IQUB: variants seen among roughly 807,000 people sequenced by gnomAD.
The protein encoded by IQUB is IQ motif and ubiquitin-like domain-containing protein.
A neutral mutation model predicts 86.4 loss-of-function variants in IQUB; 86 were observed. The ratio of observed to expected loss-of-function variants is 1.00; its 90% CI spans 0.84 to 1.19. The LOEUF (loss-of-function observed/expected upper bound fraction) is 1.19. Among genes scored for constraint, IQUB ranks in the 50% most tolerant of loss-of-function variants. IQUB has a pLI of 0.00. For missense variants in IQUB, 946 were observed against 916.9 expected (o/e 1.03, Z -0.41); for synonymous variants, 289 against 304.5 (o/e 0.95, Z 0.53).
chr7:123,490,146 A>T (rs1409607469), intron 7 of IQUB, among the ~76,000 whole-genome samples: 2 of 152,102 alleles, frequency 1.3e-5, no homozygotes, highest in East Asian at 3.9e-4. Flanking sequence ...TATGTTGCCT[A>T]CAAAAAACAC....
In IQUB at chr7:123,534,046, T is replaced by A. The variant is rs188147455; in HGVS notation, c.-5+446A>T. Reference sequence around the variant, plus strand: ...AATAGATCTGTTGAATTTTTAGGTTTGTTAAGAGGCAAAGACCAAGGGTGG... The same window carrying A: ...AATAGATCTGTTGAATTTTTAGGTTAGTTAAGAGGCAAAGACCAAGGGTGG... On this transcript the variant is annotated intron_variant, in intron 1 of 12. Transcript: ENST00000324698. 1.3e-3 allele frequency among the ~76,000 whole-genome samples: 198 copies of A among 152,308 alleles called. 1 individual carries two copies. The highest frequency in any genetic ancestry group is 4.3e-3 in the African/African-American group (179 of 41,564).
intron 7 of IQUB, among the ~76,000 whole-genome samples, chr7:123,491,080 C>G (rs1440452356): frequency 6.6e-6 from 1 of 151,976 alleles, no homozygotes; most frequent in Non-Finnish European, 1.5e-5. Context: ...GAAAAATCCC[C>G]AACTATTTAG....
intron 8 of IQUB, among the ~76,000 whole-genome samples, chr7:123,470,618 G>A (rs1286097673): frequency 2.0e-5 from 3 of 152,240 alleles, no homozygotes; most frequent in Non-Finnish European, 4.4e-5. Context: ...TTGGGAGGCC[G>A]AGGCGGGCAG....
chr7:123,507,667 G>A (rs147871758), intron 3 of IQUB, among the ~76,000 whole-genome samples: 3,763 of 152,198 alleles, frequency 0.025, 67 homozygotes, highest in Middle Eastern at 0.045. Context: ...GAGGTCAGGA[G>A]TTTGAGACCA....
intron 8 of IQUB, among the ~76,000 whole-genome samples, chr7:123,479,372 A>C (rs1182698333): frequency 2.0e-5 from 3 of 152,112 alleles, no homozygotes; most frequent in Non-Finnish European, 2.9e-5. Context: ...GAGCCAAAGC[A>C]AAAATACTAG....
At chr7:123,529,724 TAAAAAAAAAAAAA>T (rs753026777) in intron 1 of IQUB, among the ~76,000 whole-genome samples, 3 of 35,830 alleles carry the variant, frequency 8.4e-5, no homozygotes, top group Non-Finnish European at 1.4e-4. Context: ...TGTCTCTACT[TAAAAAAAAAAAAA>T]AAAAAAAAAA....
At chr7:123,500,977 TCTTA>T (rs1173499348) in intron 6 of IQUB, 6 of 152,226 alleles carry the variant, frequency 3.9e-5, no homozygotes, top group Admixed American at 6.5e-5. Context: ...CCCTACTTTC[TCTTA>T]CTAAGATTGC....
intron 8 of IQUB, among the ~76,000 whole-genome samples, chr7:123,477,544 G>A (rs1036758185): frequency 6.6e-5 from 10 of 152,166 alleles, no homozygotes; most frequent in African/African-American, 2.4e-4. Context: ...AGGACTTCAT[G>A]TCTAAAACAC....
rs1302625037 is a variant in IQUB, at chr7:123,465,474, CT to C, written c.1582-466del. Among the ~76,000 whole-genome samples, 12 of 152,070 alleles carry C rather than the reference CT, an allele frequency of 7.9e-5. No homozygotes were observed. In the South Asian group the frequency reaches 1.9e-3, roughly 24 times the overall value. ...GGACACCAGAAACATTGGCAACTTC[CT>C]GTTTAATATTTGTTAAACTGTACGT... On this transcript the variant is annotated intron_variant, in intron 9 of 12. Transcript: ENST00000324698.
chr7:123,519,859 T>C (rs1323985830), intron 1 of IQUB, among the ~76,000 whole-genome samples: 1 of 152,226 alleles, frequency 6.6e-6, no homozygotes, highest in African/African-American at 2.4e-5. Context: ...AATTTGATTA[T>C]TACAAATTGT....
chr7:123,505,839 A>C (rs1478365211), intron 3 of IQUB, among the ~76,000 whole-genome samples: 2 of 152,200 alleles, frequency 1.3e-5, no homozygotes, highest in African/African-American at 2.4e-5. Context: ...CCCTTGAAAT[A>C]GGGTTTTTCT....
At chr7:123,465,033 G>T in intron 9 of IQUB, 24 bp from the exon 10 acceptor site, 1 of 1,425,802 alleles carries the variant, frequency 7.0e-7, no homozygotes, top group Non-Finnish European at 9.5e-7. Context: ...AAAAATATAT[G>T]GTATAAAATT....
In IQUB at chr7:123,519,420, G is replaced by T. The variant is rs150122761; in HGVS notation, c.-4-7076C>A. Among the ~76,000 whole-genome samples the T allele has an allele frequency of 1.9e-3, 282 of 152,138 alleles. 1 individual carries two copies. The highest frequency in any genetic ancestry group is 6.5e-3 in the African/African-American group (269 of 41,526). On this transcript the variant is annotated intron_variant, in intron 1 of 12. Transcript: ENST00000324698. ...ACCTAAGTGTCTACCACCGAATAAA[G>T]AAAGAAAATGTGGCATGTATACACA...
intron 1 of IQUB, chr7:123,532,569 C>CA (rs1323644770): frequency 3.3e-5 from 5 of 151,822 alleles, no homozygotes; most frequent in East Asian, 3.9e-4. Flanking sequence ...AACTTCAAGA[C>CA]AAAAAAGGCA....
intron 7 of IQUB, among the ~76,000 whole-genome samples, chr7:123,491,054 T>C (rs1795439369): frequency 6.6e-6 from 1 of 151,398 alleles, no homozygotes; most frequent in African/African-American, 2.4e-5. Context: ...TAGAAATCAA[T>C]AACAGAAAGA....
At chr7:123,506,080 A>C (rs540230636) in intron 3 of IQUB, among the ~76,000 whole-genome samples, 11 of 152,318 alleles carry the variant, frequency 7.2e-5, no homozygotes, top group African/African-American at 2.6e-4. Context: ...GCAAGGACAC[A>C]GTGCTGCCGG....
At chr7:123,515,127 A>C (rs1017893191) in intron 1 of IQUB, among the ~76,000 whole-genome samples, 8 of 152,124 alleles carry the variant, frequency 5.3e-5, no homozygotes, top group South Asian at 4.1e-4. Flanking sequence ...AAAAACAAAA[A>C]ACACACACAC....
intron 1 of IQUB, among the ~76,000 whole-genome samples, chr7:123,529,955 C>T (rs1050710014): frequency 7.2e-5 from 11 of 151,844 alleles, no homozygotes; most frequent in African/African-American, 2.7e-4. Context: ...ATTGCTTGAA[C>T]CAGGGAGTTG....
At chr7:123,473,714 T>C (rs1794636391) in intron 8 of IQUB, among the ~76,000 whole-genome samples, 1 of 151,170 alleles carries the variant, frequency 6.6e-6, no homozygotes, top group Admixed American at 6.6e-5. Context: ...TAGCTGGGAT[T>C]ACAGGCACCC....
Sources: allele counts gnomAD v4.1 joint callset (sites outside exome capture counted in the v4.1 genomes callset), GRCh38; gene constraint gnomAD v4.1.1; transcripts MANE v1.5; gene names NCBI Gene and HGNC (gene_info 2026-07-23, HGNC 2026-07-21).